Variants in RIMS1 observed in about 807,000 individuals in gnomAD.
RIMS1 encodes regulating synaptic membrane exocytosis 1.
RIMS1 carries 83 observed loss-of-function variants against 214.1 expected under a neutral mutation model. The observed-to-expected ratio is 0.39, with a 90% CI of 0.32 to 0.47. The LOEUF (loss-of-function observed/expected upper bound fraction) is 0.47. RIMS1 is among the 20% of genes least tolerant of loss of function. The probability of loss-of-function intolerance (pLI) is 0.99; values close to 1 mark genes in which losing one functional copy is unlikely to be tolerated. For synonymous variants in RIMS1, 793 were observed against 786.8 expected, an observed-to-expected ratio of 1.01 and a Z score of -0.13; for missense variants, 2,050 against 2,161.8, an observed-to-expected ratio of 0.95 and a Z score of 1.03.
chr6:72,272,989 A>G (rs1329373017), intron 22 of RIMS1, among the ~76,000 whole-genome samples: 1 of 152,172 alleles, frequency 6.6e-6, no homozygotes, highest in Non-Finnish European at 1.5e-5. Context: ...TATTTCATCA[A>G]CATTTATCAC....
chr6:72,152,475 G>A (rs1041683919), intron 4 of RIMS1, among the ~76,000 whole-genome samples: 1 of 151,932 alleles, frequency 6.6e-6, no homozygotes, highest in East Asian at 1.9e-4. Flanking sequence ...CATCTTTAAG[G>A]CATTTTTTAT....
intron 1 of RIMS1, among the ~76,000 whole-genome samples, chr6:71,923,788 T>G (rs563604549): frequency 1.3e-5 from 2 of 152,272 alleles, no homozygotes; most frequent in East Asian, 3.9e-4. Context: ...GGTCTTGAAC[T>G]GCTGACCTCA....
chr6:72,016,045 A>G (rs1245963386), intron 2 of RIMS1, among the ~76,000 whole-genome samples: 1 of 149,412 alleles, frequency 6.7e-6, no homozygotes, highest in Non-Finnish European at 1.5e-5. Flanking sequence ...CAAATGCTTT[A>G]TCTGCATCTT....
chr6:71,928,314 C>T (rs1190386857), intron 1 of RIMS1, among the ~76,000 whole-genome samples: 2 of 152,082 alleles, frequency 1.3e-5, no homozygotes, highest in Non-Finnish European at 2.9e-5. Context: ...TGTAGAATGA[C>T]ATTACTATTT....
At chr6:72,353,755 T>C (rs1564430998) in intron 29 of RIMS1, among the ~76,000 whole-genome samples, 1 of 152,322 alleles carries the variant, frequency 6.6e-6, no homozygotes, top group East Asian at 1.9e-4. Flanking sequence ...TGTCTACAAA[T>C]AACAGGCATG....
intron 2 of RIMS1, among the ~76,000 whole-genome samples, chr6:72,095,219 T>C (rs1394401854): frequency 6.7e-6 from 1 of 148,204 alleles, no homozygotes; most frequent in Non-Finnish European, 1.5e-5. Context: ...TGCCTCGGCC[T>C]CCCAAAGTGC....
intron 2 of RIMS1, among the ~76,000 whole-genome samples, chr6:72,024,736 A>G (rs1391030575): frequency 1.3e-5 from 2 of 152,132 alleles, no homozygotes; most frequent in African/African-American, 4.8e-5. Context: ...GCACTGTCCC[A>G]TATATTATCA....
chr6:72,380,332 C>T (rs947180383), intron 29 of RIMS1, among the ~76,000 whole-genome samples: 1 of 152,108 alleles, frequency 6.6e-6, no homozygotes, highest in Admixed American at 6.5e-5. Context: ...ACCAACATGG[C>T]ACATGTATAC....
intron 29 of RIMS1, among the ~76,000 whole-genome samples, chr6:72,366,544 G>A (rs1397960997): frequency 2.0e-5 from 3 of 152,148 alleles, no homozygotes; most frequent in Admixed American, 6.6e-5. Flanking sequence ...CCCTTTAGCA[G>A]TTTTCAAATT....
intron 4 of RIMS1, among the ~76,000 whole-genome samples, chr6:72,169,865 G>C (rs2046785721): frequency 6.6e-6 from 1 of 152,134 alleles, no homozygotes; most frequent in Non-Finnish European, 1.5e-5. Flanking sequence ...GAGCTGTGAT[G>C]GTGCCACTGC....
At chr6:72,359,507 C>T (rs2097756795) in intron 29 of RIMS1, among the ~76,000 whole-genome samples, 1 of 151,920 alleles carries the variant, frequency 6.6e-6, no homozygotes, top group African/African-American at 2.4e-5. Context: ...AGAGACTGAC[C>T]TTTCCAAATA....
rs930819437 is a variant in RIMS1 at position 72,381,800 on chromosome 6, A to G, written c.4367-8798A>G. On this transcript the variant is annotated intron_variant, in intron 29 of 33. Transcript: ENST00000521978. ...CCAGGTTTTTAATGAAAGAATAGCT[A>G]TTAGCCATGGAAGAGCTGAAAATAA... 3.3e-5 allele frequency among the ~76,000 whole-genome samples: 5 copies of G among 152,260 alleles called. No individual in the cohort carries two copies. The East Asian group carries it at 9.6e-4, about 29-fold the overall frequency.
chr6:72,260,306 G>A lies in RIMS1; in HGVS notation c.3054-399G>A, dbSNP rs553120436. 6.6e-5 allele frequency among the ~76,000 whole-genome samples: 10 copies of A among 151,986 alleles called. No individual in the cohort carries two copies. The South Asian group carries it at 1.9e-3, about 28-fold the overall frequency. On this transcript the variant is annotated intron_variant, in intron 18 of 33. Transcript: ENST00000521978. ...CTATAAAAGCCAAGAAAACTATCAC[G>A]CTTTAATTTGTTATAAAGTTATAAA...
intron 28 of RIMS1, 119 bp downstream of exon 28, chr6:72,313,791 C>T (rs532721761): frequency 6.1e-6 from 6 of 987,756 alleles, no homozygotes; most frequent in South Asian, 5.2e-5. Context: ...AAGTATTTAT[C>T]GACTACTATG....
chr6:72,400,651 C>T lies in RIMS1; in HGVS notation c.5016C>T (p.Leu1672=), dbSNP rs2098829690. ...TGGTGGATCCCACACTCACTCCCCTCACCCGGCGGGCTTCCCAGTCATCTC... is the reference window on the plus strand; with the variant it reads ...TGGTGGATCCCACACTCACTCCCCTTACCCGGCGGGCTTCCCAGTCATCTC... ...SSLVDPTLTP[L]TRRASQSSLE... is the part of the protein sequence containing the mutation. Residue 1672 remains leucine (L), a synonymous_variant, in exon 34 of 34, where the codon CTC becomes CTT. Coordinates refer to ENST00000521978, the MANE Select transcript of RIMS1 (RefSeq NM_014989.7). 1.2e-6 allele frequency: 2 copies of T among 1,613,928 alleles called. No homozygotes were observed. Among genetic ancestry groups the T allele is most frequent in the South Asian group, 1.1e-5 (1 of 91,068 alleles).
chr6:72,136,808 T>C (rs1420656361), intron 4 of RIMS1, among the ~76,000 whole-genome samples: 2 of 152,078 alleles, frequency 1.3e-5, no homozygotes, highest in Admixed American at 6.5e-5. Flanking sequence ...TTTGGTAAAA[T>C]TGACAGCCAT....
At chr6:72,398,563 AT>A (rs1342683652) in intron 32 of RIMS1, among the ~76,000 whole-genome samples, 1 of 151,560 alleles carries the variant, frequency 6.6e-6, no homozygotes, top group African/African-American at 2.4e-5. Context: ...ATGTTATAAT[AT>A]TTTTTTTAAA....
intron 22 of RIMS1, among the ~76,000 whole-genome samples, chr6:72,267,322 G>A (rs932278011): frequency 2.6e-5 from 4 of 151,986 alleles, no homozygotes; most frequent in African/African-American, 9.7e-5. Context: ...CTGGTTAGTA[G>A]TAAAACAAGG....
Position 72,339,575 on chromosome 6 carries a change from C to T in RIMS1, c.4366+5740C>T, listed in dbSNP as rs369904171. Among the ~76,000 whole-genome samples, 100 of 151,782 alleles carry T rather than the reference C, an allele frequency of 6.6e-4. No homozygotes were observed. The East Asian group carries it at 0.015, about 22-fold the overall frequency. ...TTGCAATAGTTTGCTGAGAATGATGCTTTCCAGCTTCATCCATGTCCCTAC... is the reference window on the plus strand; with the variant it reads ...TTGCAATAGTTTGCTGAGAATGATGTTTTCCAGCTTCATCCATGTCCCTAC... On this transcript the variant is annotated intron_variant, in intron 29 of 33. Transcript: ENST00000521978.
Sources: gnomAD v4.1 joint callset for allele counts (sites outside exome capture counted in the v4.1 genomes callset) on GRCh38, gnomAD v4.1.1 for gene constraint, MANE v1.5 for transcripts, NCBI Gene and HGNC (gene_info 2026-07-23, HGNC 2026-07-21) for gene names.